The following TEPSIN variants were observed in gnomAD, a reference collection of about 807,000 sequenced individuals.
TEPSIN encodes the protein TEPSIN adaptor related protein complex 4 accessory protein, also known as AP-4 complex accessory subunit tepsin.
Under a neutral mutation model 48.5 loss-of-function variants are expected in TEPSIN, and 50 were observed. The ratio of observed to expected loss-of-function variants is 1.03; its 90% CI spans 0.82 to 1.31. The LOEUF (loss-of-function observed/expected upper bound fraction) is 1.31, where lower values mean the gene tolerates loss of function less well. TEPSIN is among the 50% of genes most tolerant of loss of function. TEPSIN has a pLI of 0.00. For missense variants in TEPSIN, 838 were observed against 815.9 expected, an observed-to-expected ratio of 1.03 and a Z score of -0.33; for synonymous variants, 392 against 358.8, an observed-to-expected ratio of 1.09 and a Z score of -1.05.
In TEPSIN at chr17:81,231,565, C is replaced by T. The variant is rs1054518404; in HGVS notation, c.1019+13G>A. The T allele has an allele frequency of 4.4e-6, 7 of 1,608,602 alleles. No homozygotes were observed. Among genetic ancestry groups the T allele is most frequent in the East Asian group, 4.5e-5 (2 of 44,642 alleles). On this transcript the variant is annotated intron_variant, in intron 10 of 12. Coordinates refer to ENST00000637944, the MANE Select transcript of TEPSIN (RefSeq NM_001363764.2). ...GGGCTGAGGCAGAGCAGGGCGGGTC[C>T]GGGCGCACTCACGCTTTGATGAAGT...
chr17:81,234,233 C>A lies in TEPSIN; in HGVS notation c.308-185G>T. 2.1e-6 allele frequency: 1 copy of A among 476,634 alleles called. No homozygotes were observed. Among genetic ancestry groups the A allele is most frequent in the Non-Finnish European group, 3.7e-6 (1 of 270,466 alleles). 29.5% of individuals were successfully genotyped at this position (476,634 alleles called of 1,614,324 possible). ...GCCACACCTGAGCAGACCCTCAGCT[C>A]CCCCTCACCCATGCCCCACAGAGGC... On this transcript the variant is annotated intron_variant, in intron 4 of 12. Coordinates refer to ENST00000637944, the MANE Select transcript of TEPSIN (RefSeq NM_001363764.2). The surrounding 1 kb of genome is among the most constrained non-coding windows in gnomAD (Gnocchi z 5.4).
In TEPSIN at chr17:81,228,705, C is replaced by A. The variant is rs760420668; in HGVS notation, c.*223G>T. ...GACTGCCCCCTGAGAGCCCTGAGATCGACATTTCTGAAGCCCTGCCACCTG... is the reference window on the plus strand; with the variant it reads ...GACTGCCCCCTGAGAGCCCTGAGATAGACATTTCTGAAGCCCTGCCACCTG... On this transcript the variant is annotated 3_prime_UTR_variant, in exon 13 of 13. Transcript: ENST00000637944. 39 of 607,508 alleles carry A rather than the reference C, an allele frequency of 6.4e-5. No homozygotes were observed. The highest frequency in any genetic ancestry group is 9.3e-5 in the Non-Finnish European group (33 of 353,192). The allele number at this position is 607,508 out of a possible 1,614,324, so 37.6% of individuals were successfully genotyped here.
Position 81,234,774 on chromosome 17 carries a change from T to C in TEPSIN, c.308-726A>G, listed in dbSNP as rs938017026. 6.6e-6 allele frequency among the ~76,000 whole-genome samples: 1 copy of C among 152,048 alleles called. No individual in the cohort carries two copies. The highest frequency in any genetic ancestry group is 2.4e-5 in the African/African-American group (1 of 41,370). ...TCAATGGCTGGATGAACTGACACCC[T>C]GAGGCTGCCATCTTCCCTGCAGGAG... On this transcript the variant is annotated intron_variant, in intron 4 of 12. Transcript: ENST00000637944. This position sits in a 1 kb window ranked among gnomAD's most constrained non-coding sequence, Gnocchi z 5.4.
At chr17:81,235,013 C>T (rs1224736553) in intron 4 of TEPSIN, among the ~76,000 whole-genome samples, 1 of 152,202 alleles carries the variant, frequency 6.6e-6, no homozygotes, top group Non-Finnish European at 1.5e-5. Flanking sequence ...CAACCAGAGA[C>T]ATGCTAGCCC....
At position 81,234,853 on chromosome 17, in the gene TEPSIN, A is replaced by T. The variant is rs1036893462; in HGVS notation, c.308-805T>A. On this transcript the variant is annotated intron_variant, in intron 4 of 12. Coordinates refer to ENST00000637944, the MANE Select transcript of TEPSIN (RefSeq NM_001363764.2). This position sits in a 1 kb window ranked among gnomAD's most constrained non-coding sequence, Gnocchi z 5.4. ...TGCCCCTGCTCTGTGACAGAGCAGG[A>T]GCATCACCATCTTGGACAAGCCCCT... Among the ~76,000 whole-genome samples, 1 of 152,086 alleles carries T rather than the reference A, an allele frequency of 6.6e-6. No individual in the cohort carries two copies. Among genetic ancestry groups the T allele is most frequent in the Non-Finnish European group, 1.5e-5 (1 of 68,012 alleles).
chr17:81,234,583 C>T lies in TEPSIN; in HGVS notation c.308-535G>A, dbSNP rs888496975. Among the ~76,000 whole-genome samples, 2 of 152,136 alleles carry T rather than the reference C, an allele frequency of 1.3e-5. No homozygotes were observed. Among genetic ancestry groups the T allele is most frequent in the Non-Finnish European group, 1.5e-5 (1 of 68,008 alleles). On this transcript the variant is annotated intron_variant, in intron 4 of 12. Coordinates refer to ENST00000637944, the MANE Select transcript of TEPSIN (RefSeq NM_001363764.2). This position sits in a 1 kb window ranked among gnomAD's most constrained non-coding sequence, Gnocchi z 5.4. The stretch of plus-strand genomic sequence containing the variant: ...CTGGGGCCGCGGCATCCTTTCAGGG[C>T]TCAGGCTGAGAGCTGTGCCTCTGAG...
chr17:81,232,991 TGGGCTGG>T (rs565829754), intron 7 of TEPSIN: 1 of 241,010 alleles, frequency 4.1e-6, no homozygotes, highest in Non-Finnish European at 8.1e-6. Flanking sequence ...AGGGCACAGC[TGGGCTGG>T]GGGCTGGGTC....
rs200393410 is a variant in TEPSIN at position 81,236,684 on chromosome 17, T to C, written c.307+24A>G. On this transcript the variant is annotated intron_variant, in intron 4 of 12. Transcript: ENST00000637944. ...CATTCTCCAAAGCCCTGGCTCTTCC[T>C]GAGCGCGTGCGCGGCCCCTGTACCT... The C allele has an allele frequency of 5.8e-6, 9 of 1,550,030 alleles. No individual in the cohort carries two copies. In the East Asian group the frequency reaches 1.7e-4, roughly 29 times the overall value.
rs762668152 is a variant in TEPSIN, at chr17:81,230,534, A to AG, written c.1233+9dup. 1 of 1,610,920 alleles carries AG rather than the reference A, an allele frequency of 6.2e-7. No individual in the cohort carries two copies. Among genetic ancestry groups the AG allele is most frequent in the Non-Finnish European group, 8.5e-7 (1 of 1,179,166 alleles). Reference sequence around the variant, plus strand: ...ACCCCGGTGTGCGTGTGGCCTCCGCAGCTGCCCACCTTGGTGGCCTTGTTG... The same window carrying AG: ...ACCCCGGTGTGCGTGTGGCCTCCGCAGGCTGCCCACCTTGGTGGCCTTGTTG... On this transcript the variant is annotated intron_variant, in intron 12 of 12. Coordinates refer to ENST00000637944, the MANE Select transcript of TEPSIN (RefSeq NM_001363764.2). This position sits in a 1 kb window ranked among gnomAD's most constrained non-coding sequence, Gnocchi z 4.2.
At chr17:81,231,514 G>C (rs757776330) in intron 10 of TEPSIN, 38 bp from the exon 11 acceptor site, 1 of 1,571,014 alleles carries the variant, frequency 6.4e-7, no homozygotes, top group Admixed American at 1.9e-5. Flanking sequence ...GGTGCGGCCC[G>C]TTCCCTCCTC....
intron 12 of TEPSIN, chr17:81,229,870 T>TTA: frequency 3.9e-6 from 1 of 255,098 alleles, no homozygotes; most frequent in South Asian, 5.0e-5. Flanking sequence ...GAAACCCCAC[T>TTA]ATGAGGTTCG....
At position 81,237,439 on chromosome 17, in the gene TEPSIN, C is replaced by A; in HGVS notation, c.69G>T (p.Gly23=). The A allele has an allele frequency of 6.2e-7, 1 of 1,610,878 alleles. No homozygotes were observed. Among genetic ancestry groups the A allele is most frequent in the Non-Finnish European group, 8.5e-7 (1 of 1,178,982 alleles). The change falls in exon 2 of 13, where the codon GGG becomes GGT. Residue 23 remains glycine (G), a synonymous_variant. Transcript: ENST00000637944. The part of the protein sequence containing the change: ...FLHRLPILLK[G]TSDDDVPCPG... ...GACACGGGACATCATCATCGGACGT[C>A]CCCTTCAGGAGAATCGGGAGCTGAA...
chr17:81,236,897 AC>A, intron 3 of TEPSIN, 82 bp downstream of exon 3: 5 of 1,531,168 alleles, frequency 3.3e-6, no homozygotes, highest in Non-Finnish European at 4.4e-6. Flanking sequence ...GCTGCCTGCC[AC>A]CCTGGGCCGC....
chr17:81,231,286 T>C (rs2062598722), intron 11 of TEPSIN, 112 bp downstream of exon 11: 2 of 1,137,992 alleles, frequency 1.8e-6, no homozygotes, highest in Admixed American at 2.5e-5. Context: ...CACAGAGGAA[T>C]GTTCACACAC....
intron 10 of TEPSIN, 25 bp from the exon 11 acceptor site, chr17:81,231,501 G>A: frequency 6.4e-7 from 1 of 1,564,706 alleles, no homozygotes; most frequent in Non-Finnish European, 8.7e-7. Flanking sequence ...CACCTGGGTG[G>A]CGGGTGCGGC....
Position 81,232,493 on chromosome 17 carries a change from G to A in TEPSIN, c.552C>T (p.Ser184=). The A allele has an allele frequency of 6.5e-7, 1 of 1,533,454 alleles. No individual in the cohort carries two copies. Among genetic ancestry groups the A allele is most frequent in the East Asian group, 2.4e-5 (1 of 40,840 alleles). The allele number at this position is 1,533,454 out of a possible 1,614,324, so 95.0% of individuals were successfully genotyped here. A position where few individuals can be genotyped will look rare whatever the true frequency, so the allele number is the denominator to read the frequency against. ...RTGSAGEAFL[S]TIQKAAEVVA... is the part of the protein sequence containing the mutation. ...CCACCTCTGCGGCCTTCTGGATGGT[G>A]GAGAGGAAGGCTTCGCCTGCCGAGC... Residue 184 remains serine (S), a synonymous_variant, in exon 8 of 13, where the codon TCC becomes TCT. Coordinates refer to ENST00000637944, the MANE Select transcript of TEPSIN (RefSeq NM_001363764.2).
Position 81,230,796 on chromosome 17 carries a change from G to A in TEPSIN, c.1099-118C>T, listed in dbSNP as rs1598348921. ...CTCATCAATGACTGGAGTGCCAGGA[G>A]GCCCCAGAGACAGCTCCACCACAGC... On this transcript the variant is annotated intron_variant, in intron 11 of 12. Coordinates refer to ENST00000637944, the MANE Select transcript of TEPSIN (RefSeq NM_001363764.2). This position sits in a 1 kb window ranked among gnomAD's most constrained non-coding sequence, Gnocchi z 4.2. 4 of 1,330,994 alleles carry A rather than the reference G, an allele frequency of 3.0e-6. No individual in the cohort carries two copies. Among genetic ancestry groups the A allele is most frequent in the East Asian group, 5.4e-5 (2 of 37,050 alleles). The allele number at this position is 1,330,994 out of a possible 1,614,324, so 82.4% of individuals were successfully genotyped here. A position where few individuals can be genotyped will look rare whatever the true frequency, so the allele number is the denominator to read the frequency against.
chr17:81,237,570 C>G, intron 1 of TEPSIN, 111 bp from the exon 2 acceptor site: 1 of 1,134,052 alleles, frequency 8.8e-7, no homozygotes, highest in Non-Finnish European at 1.2e-6. Flanking sequence ...TTGACATGGC[C>G]GGAGAGAGGA....
rs2062611366 is a variant in TEPSIN, at chr17:81,231,597, C to T, written c.1000G>A (p.Ala334Thr). 9.3e-6 allele frequency: 15 copies of T among 1,612,738 alleles called. No homozygotes were observed. Among genetic ancestry groups the T allele is most frequent in the Non-Finnish European group, 1.3e-5 (15 of 1,179,538 alleles). The change falls in exon 10 of 13, where the codon GCA becomes ACA. Residue 334 changes from alanine to threonine, a missense_variant. Physicochemically the swap from Ala to Thr is moderately conservative, Grantham distance 58. Transcript: ENST00000637944. Reference protein sequence around the residue: ...GPRAFLSREEAQHFIKACGLL... With the variant: ...GPRAFLSREETQHFIKACGLL... ...ACTCACGCTTTGATGAAGTGCTGTGCCTCCTCGCGGCTCAGGAAGGCGCGT... is the reference window on the plus strand; with the variant it reads ...ACTCACGCTTTGATGAAGTGCTGTGTCTCCTCGCGGCTCAGGAAGGCGCGT...
Sources: allele counts gnomAD v4.1 joint callset (sites outside exome capture counted in the v4.1 genomes callset), GRCh38; gene constraint gnomAD v4.1.1; non-coding constraint Gnocchi (gnomAD v3.1); transcripts MANE v1.5; gene names NCBI Gene and HGNC (gene_info 2026-07-23, HGNC 2026-07-21).